Variants in ATM observed in about 807,000 individuals in gnomAD.
The protein encoded by ATM is serine-protein kinase ATM.
In ATM, 308 loss-of-function variants were observed where a neutral mutation model predicts 387.0. The ratio of observed to expected loss-of-function variants is 0.80; its 90% CI spans 0.73 to 0.87. ATM has a LOEUF of 0.87. Among genes scored for constraint, ATM ranks in the 40% least tolerant of loss-of-function variants. ATM has a pLI of 0.00. For synonymous variants in ATM, 1,156 were observed against 1,187.3 expected (o/e 0.97, Z 0.54); for missense variants, 3,312 against 3,560.9 (o/e 0.93, Z 1.78).
chr11:108,368,212 A>ATT lies in ATM; in HGVS notation c.*2713_*2714dup. 1 of 190,528 alleles carries ATT rather than the reference A, an allele frequency of 5.2e-6. No homozygotes were observed. Among genetic ancestry groups the ATT allele is most frequent in the Non-Finnish European group, 1.1e-5 (1 of 94,176 alleles). 11.8% of individuals were successfully genotyped at this position (190,528 alleles called of 1,614,324 possible). On this transcript the variant is annotated 3_prime_UTR_variant, in exon 63 of 63. Coordinates refer to ENST00000675843, the MANE Select transcript of ATM (RefSeq NM_000051.4). Reference sequence around the variant, plus strand: ...GATGACAGAATTAAGATTATAAAAGATTTTTTTTTTGTAATTTTAGTAGAG... The same window carrying ATT: ...GATGACAGAATTAAGATTATAAAAGATTTTTTTTTTTTGTAATTTTAGTAGAG...
intron 9 of ATM, among the ~76,000 whole-genome samples, chr11:108,249,999 A>G (rs1272949006): frequency 6.6e-6 from 1 of 152,160 alleles, no homozygotes; most frequent in East Asian, 1.9e-4. Context: ...TAGAGAATAC[A>G]CAGCAAATGT....
intron 33 of ATM, chr11:108,299,485 T>C (rs1239722603): frequency 2.4e-6 from 1 of 411,230 alleles, no homozygotes; most frequent in East Asian, 5.2e-5. Context: ...TTAGTAAAGA[T>C]GGGGCTTTAC....
chr11:108,328,910 G>A, intron 48 of ATM, 111 bp from the exon 49 acceptor site: 3 of 1,163,258 alleles, frequency 2.6e-6, no homozygotes, highest in Non-Finnish European at 3.7e-6. Context: ...AATTTAGCTA[G>A]CTTTTATATG....
intron 1 of ATM, chr11:108,223,388 C>G (rs1212836536): frequency 6.6e-6 from 1 of 152,466 alleles, no homozygotes; most frequent in Non-Finnish European, 1.5e-5. Context: ...TTTAAACGCC[C>G]TGAATTGAAC....
intron 30 of ATM, 36 bp downstream of exon 30, chr11:108,292,829 A>T: frequency 6.2e-7 from 1 of 1,601,638 alleles, no homozygotes; most frequent in Non-Finnish European, 8.6e-7. Flanking sequence ...TGGTATTTAA[A>T]ATATATAAAG....
intron 44 of ATM, 88 bp from the exon 45 acceptor site, chr11:108,321,209 ATGAT>A: frequency 6.5e-7 from 1 of 1,528,710 alleles, no homozygotes; most frequent in African/African-American, 1.4e-5. Context: ...AGCAAAGCCT[ATGAT>A]GAGAACTCTT....
At chr11:108,317,685 T>TAC (rs2084863213) in intron 43 of ATM, among the ~76,000 whole-genome samples, 164 bp downstream of exon 43, 2 of 141,466 alleles carry the variant, frequency 1.4e-5, no homozygotes, top group Admixed American at 7.0e-5. Context: ...TATATATATA[T>TAC]ACATACCATA....
intron 39 of ATM, among the ~76,000 whole-genome samples, chr11:108,311,855 G>A (rs1174358533): frequency 2.6e-5 from 4 of 152,186 alleles, no homozygotes; most frequent in African/African-American, 9.7e-5. Flanking sequence ...TTACAGAACT[G>A]AATGTTATAT....
intron 52 of ATM, 115 bp from the exon 53 acceptor site, chr11:108,332,644 AATC>A: frequency 9.1e-7 from 1 of 1,098,748 alleles, no homozygotes; most frequent in South Asian, 1.4e-5. Flanking sequence ...GAGGAATTAT[AATC>A]ATTCCATTGT....
At chr11:108,359,147 T>C (rs12225206) in intron 61 of ATM, among the ~76,000 whole-genome samples, 24,528 of 149,970 alleles carry the variant, frequency 0.16, 2,519 homozygotes, top group East Asian at 0.3. Flanking sequence ...GTTGCAATCC[T>C]AGTCTCTGAT....
rs773208089 is a variant in ATM at position 108,353,803 on chromosome 11, T to C, written c.8709T>C (p.Pro2903=). The C allele has an allele frequency of 1.9e-6, 3 of 1,614,154 alleles. No homozygotes were observed. In the South Asian group the frequency reaches 3.3e-5, roughly 18 times the overall value. ...AACAGGGCAAAATCCTTCCTACTCC[T>C]GAGACAGTTCCTTTTAGACTCACCA... ...AFEQGKILPT[P]ETVPFRLTRD... Residue 2903 remains proline, a synonymous_variant, in exon 60 of 63, where the codon CCT becomes CCC. Transcript: ENST00000675843.
At chr11:108,295,159 A>AG in intron 32 of ATM, 100 bp downstream of exon 32, 1 of 1,479,066 alleles carries the variant, frequency 6.8e-7, no homozygotes, top group South Asian at 1.1e-5. Flanking sequence ...GACTTAGTTC[A>AG]GACTCTCATC....
intron 57 of ATM, among the ~76,000 whole-genome samples, chr11:108,345,181 G>A (rs965042992): frequency 1.3e-5 from 2 of 152,092 alleles, no homozygotes; most frequent in African/African-American, 4.8e-5. Context: ...ATGCTGAATG[G>A]GCAGCTTGAG....
chr11:108,262,216 T>G (rs1215496155), intron 16 of ATM, among the ~76,000 whole-genome samples: 1 of 152,132 alleles, frequency 6.6e-6, no homozygotes, highest in African/African-American at 2.4e-5. Flanking sequence ...GGAAAACATG[T>G]TAAGGGCAGC....
intron 11 of ATM, among the ~76,000 whole-genome samples, chr11:108,252,570 T>C (rs1490132997): frequency 6.6e-6 from 1 of 152,198 alleles, no homozygotes. Flanking sequence ...TTACAACCTT[T>C]TATTTATTTC....
chr11:108,319,442 GCTT>G, intron 43 of ATM, among the ~76,000 whole-genome samples: 1 of 152,206 alleles, frequency 6.6e-6, no homozygotes, highest in East Asian at 1.9e-4. Context: ...CATGCGGGTG[GCTT>G]CTTTTCATTC....
chr11:108,250,161 TATA>T (rs2080055380), intron 9 of ATM, among the ~76,000 whole-genome samples: 3 of 151,042 alleles, frequency 2.0e-5, no homozygotes, highest in Non-Finnish European at 3.0e-5. Context: ...TATATATATA[TATA>T]TTTTCTGAGA....
chr11:108,329,221 T>G lies in ATM; in HGVS notation c.7290T>G (p.His2430Gln), dbSNP rs876658715. The part of the protein sequence containing the change: ...AKEEVGLLRE[H>Q]KIQTNRYTVK... ...AGGAAGTAGGTCTCCTTAGGGAACA[T>G]AAAATTCAGACAAACAGGTAACTAG... The change falls in exon 49 of 63, where the codon CAT (histidine) becomes CAG (glutamine). Residue 2430 changes from histidine (H) to glutamine (Q), a missense_variant. Transcript: ENST00000675843. 1 of 1,613,348 alleles carries G rather than the reference T, an allele frequency of 6.2e-7. No individual in the cohort carries two copies. The highest frequency in any genetic ancestry group is 8.5e-7 in the Non-Finnish European group (1 of 1,179,448).
At chr11:108,356,147 G>T (rs759565044) in intron 61 of ATM, 6 of 152,178 alleles carry the variant, frequency 3.9e-5, no homozygotes, top group Non-Finnish European at 8.8e-5. Flanking sequence ...TAAGCATGAT[G>T]TGTAACATTT....
Sources: allele counts gnomAD v4.1 joint callset (sites outside exome capture counted in the v4.1 genomes callset), GRCh38; gene constraint gnomAD v4.1.1; transcripts MANE v1.5; gene names NCBI Gene and HGNC (gene_info 2026-07-23, HGNC 2026-07-21).